NNMT: variants seen among roughly 807,000 people sequenced by gnomAD.
The protein encoded by NNMT is nicotinamide N-methyltransferase.
In NNMT, 10 loss-of-function variants were observed where a neutral mutation model predicts 11.7. That is an observed-to-expected ratio of 0.85 (90% confidence interval 0.53 to 1.45). The LOEUF (loss-of-function observed/expected upper bound fraction) is 1.45. Among genes scored for constraint, NNMT ranks in the 40% most tolerant of loss-of-function variants. The pLI, the probability that NNMT is intolerant of heterozygous loss-of-function variation, is 0.00. For synonymous variants in NNMT, 143 were observed against 133.8 expected (o/e 1.07, Z -0.48); for missense variants, 381 against 319.4 (o/e 1.19, Z -1.47).
upstream of NNMT, among the ~76,000 whole-genome samples, chr11:114,293,949 A>C (rs1945352376): frequency 6.6e-6 from 1 of 152,174 alleles, no homozygotes; most frequent in Non-Finnish European, 1.5e-5. Context: ...AGTACTATTC[A>C]GTCATAAAGA....
At chr11:114,291,493 GT>G (rs1047661718), upstream of NNMT, among the ~76,000 whole-genome samples, 10 of 152,092 alleles carry the variant, frequency 6.6e-5, no homozygotes, top group African/African-American at 2.4e-4. Context: ...ACCATGTCCT[GT>G]TTTTTTGTTT....
rs538721204 is a variant in NNMT at position 114,312,493 on chromosome 11, T to C, written c.*16T>C. On this transcript the variant is annotated 3_prime_UTR_variant, in exon 3 of 3. Transcript: ENST00000299964. Reference sequence around the variant, plus strand: ...ACCCCTGTGATGCCTGTGACCTCAATTAAAGCAATTCCTTTGACCTGTCCA... The same window carrying C: ...ACCCCTGTGATGCCTGTGACCTCAACTAAAGCAATTCCTTTGACCTGTCCA... 39 of 1,605,624 alleles carry C rather than the reference T, an allele frequency of 2.4e-5. No individual in the cohort carries two copies. In the South Asian group the frequency reaches 3.9e-4, roughly 16 times the overall value.
At chr11:114,287,071 T>A (rs373573605) in intron 2 of NNMT, among the ~76,000 whole-genome samples, 2 of 152,172 alleles carry the variant, frequency 1.3e-5, no homozygotes, top group African/African-American at 4.8e-5. Flanking sequence ...TCTGTTCAAG[T>A]TTTTTGTTTT....
chr11:114,289,945 C>T (rs1312161540), intron 2 of NNMT, among the ~76,000 whole-genome samples: 4 of 152,108 alleles, frequency 2.6e-5, no homozygotes, highest in African/African-American at 4.8e-5. Context: ...CTGGTGAGGG[C>T]CTGTTTCCTT....
chr11:114,295,157 G>A (rs1945363318), upstream of NNMT, among the ~76,000 whole-genome samples: 2 of 152,178 alleles, frequency 1.3e-5, no homozygotes, highest in South Asian at 4.1e-4. Flanking sequence ...TGGTGGTCTG[G>A]CCAGTGGCAA....
In NNMT at chr11:114,312,350, C is replaced by G. The variant is rs1440512024; in HGVS notation, c.668C>G (p.Ala223Gly). The change falls in exon 3 of 3, where the codon GCT becomes GGT. Residue 223 changes from alanine to glycine, a missense_variant. Coordinates refer to ENST00000299964, the MANE Select transcript of NNMT (RefSeq NM_006169.3). ...SLPLGREAVE[A>G]AVKEAGYTIE... The stretch of plus-strand genomic sequence containing the variant: ...CCCCTGGGCCGGGAGGCAGTAGAGG[C>G]TGCTGTGAAAGAGGCTGGCTACACA... The G allele has an allele frequency of 6.2e-7, 1 of 1,614,228 alleles. No individual in the cohort carries two copies. The highest frequency in any genetic ancestry group is 1.1e-5 in the South Asian group (1 of 91,084).
chr11:114,259,276 G>A (rs1265463766), intron 1 of NNMT, among the ~76,000 whole-genome samples: 1 of 152,008 alleles, frequency 6.6e-6, no homozygotes, highest in Non-Finnish European at 1.5e-5. Flanking sequence ...CGTGAGAGCA[G>A]GGAAGGAGGA....
chr11:114,303,951 G>A (rs975241495), intron 2 of NNMT, among the ~76,000 whole-genome samples: 1 of 152,134 alleles, frequency 6.6e-6, no homozygotes, highest in African/African-American at 2.4e-5. Flanking sequence ...ATTTTAACCT[G>A]TATACCCCTG....
At chr11:114,260,049 C>G (rs1375416079) in intron 1 of NNMT, among the ~76,000 whole-genome samples, 1 of 152,168 alleles carries the variant, frequency 6.6e-6, no homozygotes, top group South Asian at 2.1e-4. Flanking sequence ...TATTCTGACT[C>G]TATGACAGAG....
chr11:114,261,736 G>A (rs1210783155), intron 1 of NNMT, among the ~76,000 whole-genome samples: 2 of 152,152 alleles, frequency 1.3e-5, no homozygotes, highest in Non-Finnish European at 2.9e-5. Context: ...GTTGGGGGAC[G>A]GTGTTCCGCT....
rs1361119651 is a variant in NNMT at position 114,296,510 on chromosome 11, G to T, written c.-47G>T. ...GCAGGGTCACTCCCTGGCTTCTGGAGGAAAGAGAAGGAGGGCAGTGCTCCA... is the reference window on the plus strand; with the variant it reads ...GCAGGGTCACTCCCTGGCTTCTGGATGAAAGAGAAGGAGGGCAGTGCTCCA... On this transcript the variant is annotated 5_prime_UTR_variant, in exon 1 of 3. In the 5' UTR this introduces an upstream ATG that the reference lacks. Coordinates refer to ENST00000299964, the MANE Select transcript of NNMT (RefSeq NM_006169.3). 4 of 1,597,330 alleles carry T rather than the reference G, an allele frequency of 2.5e-6. No individual in the cohort carries two copies. The highest frequency in any genetic ancestry group is 1.7e-5 in the Admixed American group (1 of 58,686).
exon 2 of NNMT, chr11:114,262,927 T>C (rs1282590384): frequency 6.6e-6 from 1 of 152,066 alleles, no homozygotes; most frequent in Non-Finnish European, 1.5e-5. Flanking sequence ...GCTCGTCCAA[T>C]GGACAAGGTA....
intron 2 of NNMT, among the ~76,000 whole-genome samples, chr11:114,303,458 G>A (rs1945458491): frequency 6.6e-6 from 1 of 151,998 alleles, no homozygotes; most frequent in African/African-American, 2.4e-5. Flanking sequence ...CTTTTGGTTT[G>A]TAATCAAATT....
At chr11:114,289,307 T>G (rs903753874) in intron 2 of NNMT, among the ~76,000 whole-genome samples, 1 of 152,192 alleles carries the variant, frequency 6.6e-6, no homozygotes, top group Non-Finnish European at 1.5e-5. Context: ...AGCTAGAAAT[T>G]TGTTAATTGT....
In NNMT at chr11:114,262,584, G is replaced by T. The variant is rs1332583699; in HGVS notation, c.-216-264G>T. ...CAACCCCTGCACTTGGCCTACAGAT[G>T]ATTTGACTGGAAGTGATCTTAGGAC... On this transcript the variant is annotated intron_variant, in intron 1 of 4. Coordinates refer to the NNMT transcript ENST00000535401. Among the ~76,000 whole-genome samples the T allele has an allele frequency of 5.9e-5, 9 of 152,154 alleles. No individual in the cohort carries two copies. In the East Asian group the frequency reaches 1.7e-3, roughly 29 times the overall value.
upstream of NNMT, among the ~76,000 whole-genome samples, chr11:114,293,278 G>A (rs998817904): frequency 6.6e-6 from 1 of 152,132 alleles, no homozygotes; most frequent in African/African-American, 2.4e-5. Flanking sequence ...AATAATCTGA[G>A]ACAATTTGCC....
At chr11:114,310,012 A>G (rs1945535409) in intron 2 of NNMT, among the ~76,000 whole-genome samples, 1 of 152,046 alleles carries the variant, frequency 6.6e-6, no homozygotes, top group Admixed American at 6.6e-5. Flanking sequence ...ATCACATTTT[A>G]TTTACCTATT....
intron 1 of NNMT, among the ~76,000 whole-genome samples, chr11:114,259,334 C>T (rs531660072): frequency 4.2e-5 from 6 of 142,772 alleles, no homozygotes; most frequent in South Asian, 2.2e-4. Flanking sequence ...TGTACACACA[C>T]GCAGAGGCCC....
chr11:114,274,977 T>A (rs1313455106), intron 2 of NNMT, among the ~76,000 whole-genome samples: 1 of 152,146 alleles, frequency 6.6e-6, no homozygotes, highest in Non-Finnish European at 1.5e-5. Context: ...TTAAGACCAA[T>A]CTAACTTTGA....
Sources: gnomAD v4.1 joint callset for allele counts (sites outside exome capture counted in the v4.1 genomes callset) on GRCh38, gnomAD v4.1.1 for gene constraint, MANE v1.5 for transcripts, NCBI Gene and HGNC (gene_info 2026-07-23, HGNC 2026-07-21) for gene names.